Variants in TLK1 observed in about 807,000 individuals in gnomAD.
The protein encoded by TLK1 is tousled like kinase 1.
TLK1 carries 24 observed loss-of-function variants against 105.3 expected under a neutral mutation model. The ratio of observed to expected loss-of-function variants is 0.23; its 90% CI spans 0.17 to 0.32. The LOEUF is 0.32. Among genes scored for constraint, TLK1 ranks in the 10% least tolerant of loss-of-function variants. The pLI, the probability that TLK1 is intolerant of heterozygous loss-of-function variation, is 1.00. For missense variants in TLK1, 558 were observed against 910.5 expected (o/e 0.61, Z 4.98); for synonymous variants, 321 against 310.4 (o/e 1.03, Z -0.36).
At chr2:171,073,251 C>A (rs911166028) in intron 3 of TLK1, among the ~76,000 whole-genome samples, 11 of 152,264 alleles carry the variant, frequency 7.2e-5, no homozygotes, top group Non-Finnish European at 1.2e-4. Flanking sequence ...CCATTCTATA[C>A]TGAATAAGTG....
rs976631747 is a variant in TLK1 at position 171,080,213 on chromosome 2, A to G, written c.330+2568T>C. Reference sequence around the variant, plus strand: ...CTCCATCTCAAAAAAAAAAAAAAAAAGTAATAAACCTTCCAGTACTATTTG... The same window carrying G: ...CTCCATCTCAAAAAAAAAAAAAAAAGGTAATAAACCTTCCAGTACTATTTG... On this transcript the variant is annotated intron_variant, in intron 3 of 20. Transcript: ENST00000431350. Among the ~76,000 whole-genome samples, 6 of 151,058 alleles carry G rather than the reference A, an allele frequency of 4.0e-5. 1 individual carries two copies. Among genetic ancestry groups the G allele is most frequent in the African/African-American group, 1.5e-4 (6 of 41,256 alleles).
intron 1 of TLK1, among the ~76,000 whole-genome samples, chr2:171,215,050 C>T (rs1320643356): frequency 6.6e-6 from 1 of 152,058 alleles, no homozygotes; most frequent in Non-Finnish European, 1.5e-5. Flanking sequence ...AAGCAATCCT[C>T]CCATCTTAGT....
Position 171,160,538 on chromosome 2 carries a change from C to G in TLK1, c.-110G>C, listed in dbSNP as rs1692444506. 6.8e-7 allele frequency: 1 copy of G among 1,460,470 alleles called. No homozygotes were observed. The highest frequency in any genetic ancestry group is 9.1e-7 in the Non-Finnish European group (1 of 1,102,362). 90.5% of individuals were successfully genotyped at this position (1,460,470 alleles called of 1,614,324 possible). ...GCCGCGCTGAGGGCGAGCGAGAGAGCGAGGGCTGGGAGGGGAGAGTCAAGG... is the reference window on the plus strand; with the variant it reads ...GCCGCGCTGAGGGCGAGCGAGAGAGGGAGGGCTGGGAGGGGAGAGTCAAGG... On this transcript the variant is annotated 5_prime_UTR_variant, in exon 1 of 21. Coordinates refer to ENST00000431350, the MANE Select transcript of TLK1 (RefSeq NM_012290.5). This position sits in a 1 kb window ranked among gnomAD's most constrained non-coding sequence, Gnocchi z 4.4.
chr2:171,101,133 G>C (rs986344979), intron 2 of TLK1, among the ~76,000 whole-genome samples: 5 of 152,006 alleles, frequency 3.3e-5, no homozygotes, highest in African/African-American at 1.2e-4. Flanking sequence ...GGATCATGAG[G>C]TCAGGAGTTT....
chr2:171,146,426 T>C (rs547018709), intron 1 of TLK1, among the ~76,000 whole-genome samples: 133 of 152,152 alleles, frequency 8.7e-4, no homozygotes, highest in African/African-American at 3.1e-3. Context: ...ACCCATCTGA[T>C]AAGAAAATAA....
intron 1 of TLK1, among the ~76,000 whole-genome samples, chr2:171,223,145 T>G (rs1693838504): frequency 6.6e-6 from 1 of 152,192 alleles, no homozygotes; most frequent in African/African-American, 2.4e-5. Flanking sequence ...CTGATTTACT[T>G]TCTTTTGGCT....
chr2:171,043,020 G>GT (rs1409804532), intron 11 of TLK1, among the ~76,000 whole-genome samples: 2 of 151,336 alleles, frequency 1.3e-5, no homozygotes, highest in African/African-American at 4.9e-5. Flanking sequence ...AGTAATCTAG[G>GT]TTAAAAAAAA....
At chr2:171,023,117 T>C (rs745946527) in intron 12 of TLK1, 1 of 470,996 alleles carries the variant, frequency 2.1e-6, no homozygotes, top group Non-Finnish European at 4.4e-6. Context: ...GAGTTGTTGC[T>C]ATACTGTTAT....
In TLK1 at chr2:171,146,888, G is replaced by A. The variant is rs139297586; in HGVS notation, c.139+13402C>T. Among the ~76,000 whole-genome samples, 326 of 152,238 alleles carry A rather than the reference G, an allele frequency of 2.1e-3. 1 individual carries two copies. Among genetic ancestry groups the A allele is most frequent in the African/African-American group, 7.6e-3 (314 of 41,538 alleles). On this transcript the variant is annotated intron_variant, in intron 1 of 20. Coordinates refer to ENST00000431350, the MANE Select transcript of TLK1 (RefSeq NM_012290.5). ...ATGCTACTGTGATTCCTGAATTTCC[G>A]GTTTCTACCTCAGTAGGCCTCCTTA...
At chr2:171,071,336 G>A (rs1688245269) in intron 3 of TLK1, among the ~76,000 whole-genome samples, 1 of 151,766 alleles carries the variant, frequency 6.6e-6, no homozygotes. Flanking sequence ...CGCCCAGGCT[G>A]GAGTGCAGTG....
chr2:170,993,843 G>A lies in TLK1; in HGVS notation c.2238C>T (p.Asn746=). The A allele has an allele frequency of 1.2e-6, 2 of 1,613,070 alleles. No homozygotes were observed. The highest frequency in any genetic ancestry group is 1.7e-6 in the Non-Finnish European group (2 of 1,179,536). Residue 746 remains asparagine, a synonymous_variant, in exon 21 of 21, where the codon AAC becomes AAT. Coordinates refer to ENST00000431350, the MANE Select transcript of TLK1 (RefSeq NM_012290.5). ...ATGCTGTCAGCCCAGCCATGTGTAG[G>A]TTTCCTGAAGAATTTGATCTTCTCA... ...PHMRRSNSSG[N]LHMAGLTASP...
At chr2:171,039,832 T>G (rs1249868508) in intron 11 of TLK1, among the ~76,000 whole-genome samples, 1 of 152,126 alleles carries the variant, frequency 6.6e-6, no homozygotes, top group East Asian at 1.9e-4. Flanking sequence ...AAAATAATTT[T>G]CAGACAAACA....
At chr2:171,162,470 A>G (rs1006215107), upstream of TLK1, among the ~76,000 whole-genome samples, 3 of 152,212 alleles carry the variant, frequency 2.0e-5, no homozygotes, top group Non-Finnish European at 4.4e-5. Flanking sequence ...CCCGGGAGGC[A>G]GAAGTTGCGG....
At chr2:171,165,683 C>T (rs13406472), upstream of TLK1, among the ~76,000 whole-genome samples, 529 of 152,258 alleles carry the variant, frequency 3.5e-3, 6 homozygotes, top group African/African-American at 0.012. Flanking sequence ...GAGGCCGAGG[C>T]GGGTGGATCA....
intron 10 of TLK1, among the ~76,000 whole-genome samples, chr2:171,048,324 T>C (rs1687058567): frequency 1.3e-5 from 2 of 152,258 alleles, no homozygotes; most frequent in Non-Finnish European, 2.9e-5. Context: ...ATATTAATTA[T>C]ATAACTGTCT....
At chr2:171,038,733 T>G (rs897427710) in intron 11 of TLK1, among the ~76,000 whole-genome samples, 2 of 152,188 alleles carry the variant, frequency 1.3e-5, no homozygotes, top group Non-Finnish European at 2.9e-5. Flanking sequence ...CCTGTGAAAT[T>G]TGCCGAGGCT....
intron 3 of TLK1, among the ~76,000 whole-genome samples, chr2:171,073,297 A>G (rs1445158122): frequency 6.6e-6 from 1 of 152,148 alleles, no homozygotes; most frequent in Non-Finnish European, 1.5e-5. Context: ...TCCCTTAGAA[A>G]TTTCTTGCTG....
intron 1 of TLK1, among the ~76,000 whole-genome samples, chr2:171,229,911 G>A (rs1325952329): frequency 2.0e-5 from 3 of 152,120 alleles, no homozygotes; most frequent in East Asian, 3.9e-4. Flanking sequence ...CCATGCACAA[G>A]GCCTTGCTGT....
At chr2:171,190,911 C>T (rs758132346) in intron 1 of TLK1, among the ~76,000 whole-genome samples, 8 of 149,484 alleles carry the variant, frequency 5.4e-5, no homozygotes, top group Non-Finnish European at 1.2e-4. Context: ...CACCTGTAAT[C>T]CCAGTACTTT....
Sources: gnomAD v4.1 joint callset for allele counts (sites outside exome capture counted in the v4.1 genomes callset) on GRCh38, gnomAD v4.1.1 for gene constraint, Gnocchi (gnomAD v3.1) non-coding constraint, MANE v1.5 for transcripts, NCBI Gene and HGNC (gene_info 2026-07-23, HGNC 2026-07-21) for gene names.